The following ATF7IP variants were observed in gnomAD, a reference collection of about 807,000 sequenced individuals.
ATF7IP encodes activating transcription factor 7-interacting protein 1.
ATF7IP carries 23 observed loss-of-function variants against 106.4 expected under a neutral mutation model. The ratio of observed to expected loss-of-function variants is 0.22; its 90% CI spans 0.16 to 0.31. The LOEUF is 0.31. ATF7IP is among the 10% of genes least tolerant of loss of function. The pLI is 1.00. For synonymous variants in ATF7IP, 542 were observed against 539.0 expected (o/e 1.01, Z -0.08); for missense variants, 1,334 against 1,524.3 (o/e 0.88, Z 2.08).
intron 1 of ATF7IP, among the ~76,000 whole-genome samples, chr12:14,415,140 A>G (rs1201553616): frequency 6.6e-6 from 1 of 152,178 alleles, no homozygotes; most frequent in African/African-American, 2.4e-5. Flanking sequence ...CCTTATCTGC[A>G]TAGGGATAGT....
chr12:14,406,447 C>T (rs570168993), intron 1 of ATF7IP, among the ~76,000 whole-genome samples: 6 of 152,142 alleles, frequency 3.9e-5, no homozygotes, highest in Admixed American at 6.5e-5. Flanking sequence ...ATACTCTTTT[C>T]ACTAGTTGTG....
rs371823149 is a variant in ATF7IP at position 14,445,222 on chromosome 12, CT to C, written c.1930-1764del. 5.9e-3 allele frequency among the ~76,000 whole-genome samples: 900 copies of C among 152,156 alleles called. 8 individuals are homozygous for C. The highest frequency in any genetic ancestry group is 0.02 in the African/African-American group (821 of 41,526). On this transcript the variant is annotated intron_variant, in intron 5 of 14. Coordinates refer to ENST00000261168, the MANE Select transcript of ATF7IP (RefSeq NM_018179.5). Reference sequence around the variant, plus strand: ...ACCAGGCTGGTCTTGAACTCCAGACCTTGTGATCCACCTGTCTCAGCCTCCC... The same window carrying C: ...ACCAGGCTGGTCTTGAACTCCAGACCTGTGATCCACCTGTCTCAGCCTCCC...
At chr12:14,397,619 C>T (rs1939922015) in intron 1 of ATF7IP, among the ~76,000 whole-genome samples, 1 of 151,680 alleles carries the variant, frequency 6.6e-6, no homozygotes, top group Non-Finnish European at 1.5e-5. Flanking sequence ...CCCCCACTTT[C>T]TGTCTGTCTG....
intron 1 of ATF7IP, among the ~76,000 whole-genome samples, chr12:14,375,864 A>G (rs1938717097): frequency 6.6e-6 from 1 of 152,236 alleles, no homozygotes; most frequent in Non-Finnish European, 1.5e-5. Flanking sequence ...CCTGCAGTAC[A>G]GGGAGATTTA....
At chr12:14,426,847 AAAAG>A (rs1487728803) in intron 2 of ATF7IP, among the ~76,000 whole-genome samples, 4,161 of 139,534 alleles carry the variant, frequency 0.03, 968 homozygotes, top group African/African-American at 0.12. Context: ...AAAAAAAAAA[AAAAG>A]GATGGCTTTT....
At position 14,494,327 on chromosome 12, in the gene ATF7IP, A is replaced by ATGTG. The variant is rs1288418837; in HGVS notation, c.3281-1903_3281-1902insGTGT. Among the ~76,000 whole-genome samples, 284 of 86,814 alleles carry ATGTG rather than the reference A, an allele frequency of 3.3e-3. 11 individuals are homozygous for ATGTG. Among genetic ancestry groups the ATGTG allele is most frequent in the Admixed American group, 9.9e-3 (77 of 7,744 alleles). 57.0% of individuals were successfully genotyped at this position (86,814 alleles called of 152,430 possible). A position where few individuals can be genotyped will look rare whatever the true frequency, so the allele number is the denominator to read the frequency against. On this transcript the variant is annotated intron_variant, in intron 13 of 14. Coordinates refer to ENST00000261168, the MANE Select transcript of ATF7IP (RefSeq NM_018179.5). The stretch of plus-strand genomic sequence containing the variant: ...TATATATATATATATATATATATAT[A>ATGTG]TATATATGTGTGTGTGTATATGTAT...
At chr12:14,473,734 T>C (rs74873884) in intron 10 of ATF7IP, among the ~76,000 whole-genome samples, 2,533 of 152,046 alleles carry the variant, frequency 0.017, 70 homozygotes, top group African/African-American at 0.058. Flanking sequence ...TTTTAGTATC[T>C]AAAAAATGTA....
chr12:14,422,128 A>G (rs1243213547), intron 1 of ATF7IP, among the ~76,000 whole-genome samples: 3 of 152,194 alleles, frequency 2.0e-5, no homozygotes, highest in Non-Finnish European at 4.4e-5. Flanking sequence ...ATCTCAAGGA[A>G]AAGGATGACA....
At chr12:14,493,767 A>C (rs1408870766) in intron 13 of ATF7IP, among the ~76,000 whole-genome samples, 1 of 152,124 alleles carries the variant, frequency 6.6e-6, no homozygotes, top group East Asian at 1.9e-4. Flanking sequence ...AGACACTCGC[A>C]TGATAAGAGC....
At chr12:14,447,281 CTTTTT>C (rs58719124) in intron 6 of ATF7IP, among the ~76,000 whole-genome samples, 11 of 87,844 alleles carry the variant, frequency 1.3e-4, no homozygotes, top group South Asian at 7.8e-4. Flanking sequence ...TTATGCAATT[CTTTTT>C]TTTTTTTTTT....
chr12:14,400,942 C>G (rs945200476), intron 1 of ATF7IP, among the ~76,000 whole-genome samples: 5 of 152,008 alleles, frequency 3.3e-5, no homozygotes, highest in Non-Finnish European at 7.4e-5. Context: ...GCTCACGTTT[C>G]TGTATTTTTT....
At position 14,434,274 on chromosome 12, in the gene ATF7IP, A is replaced by G. The variant is rs1591850531; in HGVS notation, c.1559-63A>G. The G allele has an allele frequency of 5.2e-5, 52 of 1,004,842 alleles. No individual in the cohort carries two copies. The East Asian group carries it at 1.3e-3, about 26-fold the overall frequency. 62.2% of individuals were successfully genotyped at this position (1,004,842 alleles called of 1,614,324 possible). On this transcript the variant is annotated intron_variant, in intron 2 of 14. Transcript: ENST00000261168. ...GTAACTGGATAGTGACTAAAAATGT[A>G]AATTAGTGAGCTGTTATGAATTCTA...
At chr12:14,455,997 G>A (rs190234382) in intron 6 of ATF7IP, among the ~76,000 whole-genome samples, 3 of 152,206 alleles carry the variant, frequency 2.0e-5, no homozygotes, top group Admixed American at 6.5e-5. Flanking sequence ...GGTTTTGGGG[G>A]GAAAGGCTGA....
chr12:14,420,650 A>T (rs1437309341), intron 1 of ATF7IP, among the ~76,000 whole-genome samples: 1 of 152,110 alleles, frequency 6.6e-6, no homozygotes, highest in Non-Finnish European at 1.5e-5. Context: ...AAAAATAAAG[A>T]AATAGCCATC....
intron 10 of ATF7IP, among the ~76,000 whole-genome samples, chr12:14,467,502 A>G (rs1337816391): frequency 6.6e-6 from 1 of 152,188 alleles, no homozygotes; most frequent in African/African-American, 2.4e-5. Flanking sequence ...GTTTCTGAGC[A>G]TGTCTTGTGG....
chr12:14,433,921 A>G (rs983019035), intron 2 of ATF7IP, among the ~76,000 whole-genome samples: 4 of 152,130 alleles, frequency 2.6e-5, no homozygotes, highest in Admixed American at 6.5e-5. Flanking sequence ...TAAGGATTCA[A>G]CCTGTTTTGA....
At chr12:14,450,711 A>G (rs1943170942) in intron 6 of ATF7IP, among the ~76,000 whole-genome samples, 1 of 152,168 alleles carries the variant, frequency 6.6e-6, no homozygotes, top group South Asian at 2.1e-4. Flanking sequence ...TCCTCTTGGA[A>G]TACTACCAAT....
chr12:14,428,002 G>C (rs1555118892), intron 2 of ATF7IP, among the ~76,000 whole-genome samples: 1 of 152,124 alleles, frequency 6.6e-6, no homozygotes, highest in Non-Finnish European at 1.5e-5. Context: ...AGAACTTCAA[G>C]CAGAGAGGAG....
chr12:14,391,484 C>A (rs7980403), intron 1 of ATF7IP, among the ~76,000 whole-genome samples: 3 of 152,224 alleles, frequency 2.0e-5, no homozygotes, highest in African/African-American at 7.2e-5. Flanking sequence ...CTTCTGCTCT[C>A]GTACTGTTAT....
Sources: gnomAD v4.1 joint callset for allele counts (sites outside exome capture counted in the v4.1 genomes callset) on GRCh38, gnomAD v4.1.1 for gene constraint, MANE v1.5 for transcripts, NCBI Gene and HGNC (gene_info 2026-07-23, HGNC 2026-07-21) for gene names.